Variants in PHKG1 observed in about 807,000 individuals in gnomAD.
The protein encoded by PHKG1 is phosphorylase kinase catalytic subunit gamma 1, also known as phosphorylase b kinase gamma catalytic chain, skeletal muscle/heart isoform.
A neutral mutation model predicts 50.5 loss-of-function variants in PHKG1; 48 were observed. That is an observed-to-expected ratio of 0.95 (90% CI 0.75 to 1.21). The LOEUF is 1.21. PHKG1 is among the 50% of genes most tolerant of loss of function. PHKG1 has a pLI of 0.00. For synonymous variants in PHKG1, 204 were observed against 212.8 expected, an observed-to-expected ratio of 0.96 and a Z score of 0.36; for missense variants, 487 against 519.5, an observed-to-expected ratio of 0.94 and a Z score of 0.61.
chr7:56,089,748 T>C (rs1796424412), intron 1 of PHKG1, among the ~76,000 whole-genome samples: 3 of 152,170 alleles, frequency 2.0e-5, no homozygotes, highest in Non-Finnish European at 2.9e-5. Context: ...GGTCTCGAAC[T>C]CCTGACCTCA....
At chr7:56,083,863 G>T (rs1052614930) in intron 4 of PHKG1, 148 bp from the exon 5 acceptor site, 2 of 658,780 alleles carry the variant, frequency 3.0e-6, no homozygotes, top group African/African-American at 1.8e-5. Context: ...GAGAGGAGCC[G>T]GGGAAGTGAG....
At chr7:56,084,253 G>A (rs889369003) in intron 4 of PHKG1, 6 of 1,482,744 alleles carry the variant, frequency 4.0e-6, no homozygotes, top group African/African-American at 1.4e-5. Context: ...ATCTGTGGAA[G>A]TGACAGTGTG....
In PHKG1 at chr7:56,086,976, A is replaced by C. The variant is rs201721760; in HGVS notation, c.311T>G (p.Phe104Cys). ...TCCAGTGCTGGGTACTTACAGGTCA[A>C]ACACCAAGAAGAAGAAAGTGTTGGT... is the stretch of plus-strand genomic sequence containing the variant. ...YETNTFFFLV[F>C]DLMKRGELFD... The change falls in exon 4 of 10, where the codon TTT (phenylalanine) becomes TGT (cysteine). Residue 104 changes from phenylalanine (F) to cysteine (C), a missense_variant. Transcript: ENST00000297373. The C allele has an allele frequency of 1.2e-6, 2 of 1,612,920 alleles. No homozygotes were observed. The highest frequency in any genetic ancestry group is 3.3e-5 in the Admixed American group (2 of 59,974).
At chr7:56,083,863 G>A (rs1052614930) in intron 4 of PHKG1, 148 bp from the exon 5 acceptor site, 6 of 658,662 alleles carry the variant, frequency 9.1e-6, no homozygotes, top group Admixed American at 4.8e-5. Context: ...GAGAGGAGCC[G>A]GGGAAGTGAG....
chr7:56,086,568 A>C (rs1041170497), intron 4 of PHKG1, among the ~76,000 whole-genome samples: 3 of 151,286 alleles, frequency 2.0e-5, no homozygotes, highest in Non-Finnish European at 4.4e-5. Context: ...GGCTCACTTC[A>C]ACCTCCGCCT....
chr7:56,091,693 G>T (rs1449270664), intron 1 of PHKG1, among the ~76,000 whole-genome samples: 2 of 152,160 alleles, frequency 1.3e-5, no homozygotes, highest in Non-Finnish European at 2.9e-5. Flanking sequence ...GTCTCACAAA[G>T]GAGCCAATTT....
At chr7:56,083,774 T>C in intron 4 of PHKG1, 59 bp from the exon 5 acceptor site, 1 of 1,210,982 alleles carries the variant, frequency 8.3e-7, no homozygotes. Context: ...GCCCTTACCC[T>C]GCTCCCAGAG....
At chr7:56,086,217 C>T (rs1796244154) in intron 4 of PHKG1, among the ~76,000 whole-genome samples, 1 of 151,848 alleles carries the variant, frequency 6.6e-6, no homozygotes, top group Non-Finnish European at 1.5e-5. Flanking sequence ...CCCTCTTTAT[C>T]TGCATAGGAT....
At chr7:56,090,714 C>CA (rs1323615574) in intron 1 of PHKG1, among the ~76,000 whole-genome samples, 1 of 152,202 alleles carries the variant, frequency 6.6e-6, no homozygotes, top group Non-Finnish European at 1.5e-5. Flanking sequence ...AAGGGTTGGG[C>CA]AGGTACCCCT....
At chr7:56,089,691 T>C (rs981337872) in intron 1 of PHKG1, among the ~76,000 whole-genome samples, 6 of 151,830 alleles carry the variant, frequency 4.0e-5, no homozygotes, top group Non-Finnish European at 7.4e-5. Context: ...GCCTGGCTAA[T>C]TGTTGTATTT....
At chr7:56,085,007 C>A (rs1372777239) in intron 4 of PHKG1, among the ~76,000 whole-genome samples, 2 of 152,216 alleles carry the variant, frequency 1.3e-5, no homozygotes, top group African/African-American at 4.8e-5. Flanking sequence ...GTTGCCCAGG[C>A]TGGAGTGCAG....
intron 1 of PHKG1, 117 bp downstream of exon 1, chr7:56,092,719 C>T (rs1188315289): frequency 6.6e-6 from 1 of 151,910 alleles, no homozygotes; most frequent in Non-Finnish European, 1.5e-5. Context: ...GTCCATCCGC[C>T]TTCAGAAAAG....
chr7:56,087,202 T>TATC (rs1397787065), intron 3 of PHKG1, among the ~76,000 whole-genome samples, 178 bp from the exon 4 acceptor site: 1 of 131,424 alleles, frequency 7.6e-6, no homozygotes, highest in Non-Finnish European at 1.5e-5. Context: ...ACTTTATTAT[T>TATC]ATTATTATTA....
chr7:56,089,235 C>T (rs1251490069), intron 1 of PHKG1, among the ~76,000 whole-genome samples: 9 of 151,990 alleles, frequency 5.9e-5, no homozygotes, highest in Admixed American at 5.9e-4. Context: ...GAAACCTCAT[C>T]TCTACTATAC....
At chr7:56,092,419 C>T (rs887140020) in intron 1 of PHKG1, among the ~76,000 whole-genome samples, 4 of 152,130 alleles carry the variant, frequency 2.6e-5, no homozygotes, top group East Asian at 1.9e-4. Flanking sequence ...ACTACAGGCA[C>T]GAGCCATCAT....
rs753255332 is a variant in PHKG1, at chr7:56,081,891, A to C, written c.792+2T>G. 1 of 1,613,272 alleles carries C rather than the reference A, an allele frequency of 6.2e-7. No homozygotes were observed. The highest frequency in any genetic ancestry group is 1.1e-5 in the South Asian group (1 of 91,030). ...CAGGAGCCAGTTGGCCTGGCCTCTC[A>C]CCAGGTCCTTCACGGTGTCCGAGTA... On this transcript the variant is annotated splice_donor_variant, in intron 8 of 9. Transcript: ENST00000297373. LOFTEE classifies it high-confidence loss of function. The surrounding 1 kb of genome is among the most constrained non-coding windows in gnomAD (Gnocchi z 4.6).
At chr7:56,090,403 A>C (rs1218790412) in intron 1 of PHKG1, among the ~76,000 whole-genome samples, 3 of 152,194 alleles carry the variant, frequency 2.0e-5, no homozygotes, top group African/African-American at 7.2e-5. Context: ...GGCATGAGCC[A>C]CTGCACCTGG....
intron 2 of PHKG1, among the ~76,000 whole-genome samples, chr7:56,088,095 C>T (rs1438491723): frequency 1.5e-5 from 2 of 132,998 alleles, no homozygotes; most frequent in Admixed American, 1.8e-4. Context: ...AGTGCAGTGG[C>T]ACAATCTTAG....
Position 56,080,902 on chromosome 7 carries a change from TGA to T in PHKG1, c.*150_*151del. 2 of 859,160 alleles carry T rather than the reference TGA, an allele frequency of 2.3e-6. No individual in the cohort carries two copies. Among genetic ancestry groups the T allele is most frequent in the South Asian group, 1.7e-5 (1 of 57,378 alleles). The allele number at this position is 859,160 out of a possible 1,614,324, so 53.2% of individuals were successfully genotyped here. ...ACCCACTTCCCTTGTGCACAGCCTT[TGA>T]GAGGGGATCGTGGCCTCAGTTCCAG... On this transcript the variant is annotated 3_prime_UTR_variant, in exon 10 of 10. Coordinates refer to ENST00000297373, the MANE Select transcript of PHKG1 (RefSeq NM_006213.5).
Sources: allele counts gnomAD v4.1 joint callset (sites outside exome capture counted in the v4.1 genomes callset), GRCh38; gene constraint gnomAD v4.1.1; non-coding constraint Gnocchi (gnomAD v3.1); transcripts MANE v1.5; gene names NCBI Gene and HGNC (gene_info 2026-07-23, HGNC 2026-07-21).